The following CHODL variants were observed in gnomAD, a reference collection of about 807,000 sequenced individuals.
CHODL encodes the protein transmembrane protein MT75.
In CHODL, 29 loss-of-function variants were observed where a neutral mutation model predicts 34.5. The ratio of observed to expected loss-of-function variants is 0.84; its 90% confidence interval spans 0.63 to 1.15. CHODL has a LOEUF of 1.15. Among genes scored for constraint, CHODL ranks in the 50% most tolerant of loss-of-function variants. CHODL has a pLI of 0.00. For synonymous variants in CHODL, 125 were observed against 116.1 expected (o/e 1.08, Z -0.49); for missense variants, 332 against 332.5 (o/e 1.00, Z 0.01).
chr21:18,124,454 G>A (rs1187220737), intron 2 of CHODL, among the ~76,000 whole-genome samples: 1 of 152,138 alleles, frequency 6.6e-6, no homozygotes, highest in African/African-American at 2.4e-5. Flanking sequence ...GTGCTCTGAG[G>A]GTAAGACATG....
At chr21:18,008,152 T>TA (rs1396456320) in intron 1 of CHODL, among the ~76,000 whole-genome samples, 3 of 152,092 alleles carry the variant, frequency 2.0e-5, no homozygotes, top group Non-Finnish European at 4.4e-5. Flanking sequence ...CTTCTTTTTT[T>TA]TAAAAAAAAG....
At chr21:18,000,263 TTGTAG>T (rs1308272565) in intron 1 of CHODL, among the ~76,000 whole-genome samples, 1 of 152,160 alleles carries the variant, frequency 6.6e-6, no homozygotes, top group East Asian at 1.9e-4. Context: ...CATCCTAACT[TTGTAG>T]TGAAAGGATG....
chr21:18,034,024 G>A (rs978335970), intron 2 of CHODL, among the ~76,000 whole-genome samples: 4 of 151,980 alleles, frequency 2.6e-5, no homozygotes, highest in African/African-American at 9.7e-5. Context: ...TAAGGTATAT[G>A]AAATTGAATT....
intron 2 of CHODL, among the ~76,000 whole-genome samples, chr21:18,151,603 G>A (rs544096463): frequency 7.2e-5 from 11 of 152,168 alleles, no homozygotes; most frequent in Non-Finnish European, 1.3e-4. Context: ...TAAAATGGTC[G>A]ATCAGAAGTT....
chr21:17,965,538 T>C (rs1239601490), intron 1 of CHODL, among the ~76,000 whole-genome samples: 1 of 152,132 alleles, frequency 6.6e-6, no homozygotes, highest in Non-Finnish European at 1.5e-5. Context: ...CCTCTGCCAC[T>C]CCCTGCTCCA....
At chr21:18,007,127 A>T (rs4818399) in intron 1 of CHODL, among the ~76,000 whole-genome samples, 21,850 of 151,772 alleles carry the variant, frequency 0.14, 1,667 homozygotes, top group South Asian at 0.29. Context: ...ATTGAATTTT[A>T]AAAAAAACTA....
intron 2 of CHODL, among the ~76,000 whole-genome samples, chr21:18,200,724 T>A (rs569243699): frequency 6.6e-6 from 1 of 152,336 alleles, no homozygotes; most frequent in Middle Eastern, 3.4e-3. Flanking sequence ...ACTATGAATG[T>A]GATCTTCGTT....
intron 1 of CHODL, among the ~76,000 whole-genome samples, chr21:17,931,829 A>G (rs1490630329): frequency 6.6e-6 from 1 of 152,218 alleles, no homozygotes; most frequent in Non-Finnish European, 1.5e-5. Flanking sequence ...ACTTAAATAT[A>G]AGACATGAAA....
At chr21:18,136,622 C>T (rs910440556) in intron 2 of CHODL, among the ~76,000 whole-genome samples, 14 of 150,380 alleles carry the variant, frequency 9.3e-5, no homozygotes, top group East Asian at 2.0e-4. Context: ...TGTGTGTGTG[C>T]GTGCGCACAC....
intron 2 of CHODL, among the ~76,000 whole-genome samples, chr21:18,196,698 T>A (rs2073591958): frequency 6.6e-6 from 1 of 152,204 alleles, no homozygotes; most frequent in African/African-American, 2.4e-5. Context: ...TTCCATTAAA[T>A]ATTGCATCAT....
intron 1 of CHODL, among the ~76,000 whole-genome samples, chr21:18,019,993 G>C (rs2064112845): frequency 1.3e-5 from 2 of 152,074 alleles, no homozygotes; most frequent in African/African-American, 4.8e-5. Context: ...CGTGAGTCCA[G>C]GGACTCTTCT....
intron 1 of CHODL, among the ~76,000 whole-genome samples, chr21:17,957,530 G>A (rs999407431): frequency 2.6e-5 from 4 of 151,996 alleles, no homozygotes; most frequent in African/African-American, 7.2e-5. Context: ...AATCCACTGT[G>A]ATGGGACCAT....
chr21:18,234,040 T>G (rs1265644519), intron 2 of CHODL, among the ~76,000 whole-genome samples: 1 of 152,110 alleles, frequency 6.6e-6, no homozygotes, highest in Admixed American at 6.6e-5. Flanking sequence ...AGAAAGAAAT[T>G]TACCATGTCC....
At chr21:18,089,005 C>G (rs2065040600) in intron 2 of CHODL, among the ~76,000 whole-genome samples, 1 of 152,182 alleles carries the variant, frequency 6.6e-6, no homozygotes, top group Admixed American at 6.5e-5. Context: ...ATCTCATGTG[C>G]ATTCACCTCC....
chr21:18,020,368 C>T (rs2064116808), intron 1 of CHODL, among the ~76,000 whole-genome samples: 1 of 152,118 alleles, frequency 6.6e-6, no homozygotes, highest in African/African-American at 2.4e-5. Context: ...CTGAAAGCTG[C>T]AAGCACATGT....
intron 2 of CHODL, among the ~76,000 whole-genome samples, chr21:18,122,081 G>A (rs2065486502): frequency 6.6e-6 from 1 of 152,036 alleles, no homozygotes; most frequent in Admixed American, 6.6e-5. Context: ...TTCTAAAAAT[G>A]ATTACCTTGC....
chr21:18,248,687 T>A (rs193108336), intron 1 of CHODL, among the ~76,000 whole-genome samples: 2,504 of 119,668 alleles, frequency 0.021, 133 homozygotes, highest in African/African-American at 0.087. Context: ...TATGTATATA[T>A]TATATACATA....
chr21:18,001,071 G>C (rs2063901069), intron 1 of CHODL, among the ~76,000 whole-genome samples: 1 of 152,134 alleles, frequency 6.6e-6, no homozygotes, highest in Non-Finnish European at 1.5e-5. Context: ...AGGCCAGGTA[G>C]GAAACCAGGG....
chr21:18,266,053 G>C lies in CHODL; in HGVS notation c.*15G>C, dbSNP rs1226857606. 6.2e-7 allele frequency: 1 copy of C among 1,613,610 alleles called. No homozygotes were observed. The highest frequency in any genetic ancestry group is 1.7e-5 in the Admixed American group (1 of 60,004). On this transcript the variant is annotated 3_prime_UTR_variant, in exon 6 of 6. Transcript: ENST00000299295. ...TGGAAGTATAATAACTCATTGACTT[G>C]GTTCCAGAATTTTGTAATTCTGGAT...
Sources: gnomAD v4.1 joint callset for allele counts (sites outside exome capture counted in the v4.1 genomes callset) on GRCh38, gnomAD v4.1.1 for gene constraint, MANE v1.5 for transcripts, NCBI Gene and HGNC (gene_info 2026-07-23, HGNC 2026-07-21) for gene names.